Variants in TAOK3 observed in about 807,000 individuals in gnomAD.
TAOK3 encodes the protein serine/threonine-protein kinase TAO3.
TAOK3 carries 40 observed loss-of-function variants against 120.4 expected under a neutral mutation model. The ratio of observed to expected loss-of-function variants is 0.33; its 90% CI spans 0.26 to 0.43. The LOEUF (loss-of-function observed/expected upper bound fraction) is 0.43, where lower values mean the gene tolerates loss of function less well. TAOK3 is among the 20% of genes least tolerant of loss of function. The probability of loss-of-function intolerance (pLI) is 1.00; values close to 1 mark genes in which losing one functional copy is unlikely to be tolerated. For missense variants in TAOK3, 821 were observed against 1,112.1 expected (o/e 0.74, Z 3.72); for synonymous variants, 355 against 387.5 (o/e 0.92, Z 0.99).
At chr12:118,154,959 T>C (rs1049152443) in intron 19 of TAOK3, among the ~76,000 whole-genome samples, 1 of 151,968 alleles carries the variant, frequency 6.6e-6, no homozygotes, top group Non-Finnish European at 1.5e-5. Context: ...CTACAGCCCA[T>C]GGGCCAAATC....
chr12:118,315,706 C>T (rs2140897297), intron 1 of TAOK3, among the ~76,000 whole-genome samples: 1 of 151,586 alleles, frequency 6.6e-6, no homozygotes, highest in South Asian at 2.1e-4. Context: ...AATAATCCTC[C>T]TCCCCCCAAA....
chr12:118,359,524 C>T (rs1253517670), intron 1 of TAOK3: 1 of 152,212 alleles, frequency 6.6e-6, no homozygotes, highest in Non-Finnish European at 1.5e-5. Context: ...AACTCACCAT[C>T]TCTTGATAAT....
At chr12:118,194,001 A>T (rs2037571250) in intron 13 of TAOK3, among the ~76,000 whole-genome samples, 1 of 152,218 alleles carries the variant, frequency 6.6e-6, no homozygotes, top group Non-Finnish European at 1.5e-5. Context: ...ACAAGAATAT[A>T]GGTCTGAGGA....
intron 9 of TAOK3, among the ~76,000 whole-genome samples, chr12:118,215,639 T>A (rs2139529470): frequency 6.6e-6 from 1 of 152,058 alleles, no homozygotes; most frequent in African/African-American, 2.4e-5. Flanking sequence ...GAGAGAGAAA[T>A]GGAAAGGAGG....
intron 9 of TAOK3, among the ~76,000 whole-genome samples, chr12:118,225,547 G>A (rs1303122223): frequency 6.6e-6 from 1 of 152,032 alleles, no homozygotes; most frequent in Non-Finnish European, 1.5e-5. Context: ...GAAATTAAAT[G>A]TTCTTGGTAA....
At chr12:118,328,345 C>A (rs551816751) in intron 1 of TAOK3, among the ~76,000 whole-genome samples, 66 of 152,130 alleles carry the variant, frequency 4.3e-4, no homozygotes, top group Admixed American at 2.6e-4. Flanking sequence ...TGAGCCACTG[C>A]GCCTGGCCTA....
rs1022590159 is a variant in TAOK3 at position 118,372,123 on chromosome 12, C to G, written c.-194+525G>C. 9.2e-5 allele frequency among the ~76,000 whole-genome samples: 14 copies of G among 151,862 alleles called. No individual in the cohort carries two copies. Among genetic ancestry groups the G allele is most frequent in the African/African-American group, 3.4e-4 (14 of 41,342 alleles). On this transcript the variant is annotated intron_variant, in intron 1 of 20. Coordinates refer to ENST00000392533, the MANE Select transcript of TAOK3 (RefSeq NM_016281.4). This position sits in a 1 kb window ranked among gnomAD's most constrained non-coding sequence, Gnocchi z 4.6. ...CCCTGACCGGTCCCCTCTCTTTACT[C>G]TGTCCTGGATTCTCTCTGGGTCCCC...
At chr12:118,262,339 C>T (rs964606484) in intron 2 of TAOK3, among the ~76,000 whole-genome samples, 2 of 151,468 alleles carry the variant, frequency 1.3e-5, no homozygotes, top group Non-Finnish European at 2.9e-5. Flanking sequence ...AATAATTAGC[C>T]GGGCGTGGTG....
chr12:118,348,952 G>A (rs534729799), intron 1 of TAOK3, among the ~76,000 whole-genome samples: 3 of 150,056 alleles, frequency 2.0e-5, no homozygotes, highest in South Asian at 2.1e-4. Context: ...GCAGTGGCGC[G>A]TTCTTGGCCC....
chr12:118,318,443 G>T (rs569926055), intron 1 of TAOK3, among the ~76,000 whole-genome samples: 2 of 152,166 alleles, frequency 1.3e-5, no homozygotes, highest in South Asian at 4.1e-4. Context: ...GGTGTGAGCC[G>T]CTGCGCCTGG....
At chr12:118,258,348 A>G (rs1483032144) in intron 2 of TAOK3, among the ~76,000 whole-genome samples, 1 of 152,196 alleles carries the variant, frequency 6.6e-6, no homozygotes, top group Non-Finnish European at 1.5e-5. Flanking sequence ...TAAAGTTACT[A>G]CATCAATACT....
At chr12:118,246,380 G>A (rs1220396896) in intron 3 of TAOK3, 1 of 1,588,712 alleles carries the variant, frequency 6.3e-7, no homozygotes, top group Non-Finnish European at 8.6e-7. Flanking sequence ...TCTTCCTGGG[G>A]GCCTCTCTCA....
intron 1 of TAOK3, among the ~76,000 whole-genome samples, chr12:118,363,505 A>C (rs990682301): frequency 1.3e-5 from 2 of 152,198 alleles, no homozygotes; most frequent in African/African-American, 4.8e-5. Flanking sequence ...AATATTAGAG[A>C]GTATTATGTA....
intron 1 of TAOK3, among the ~76,000 whole-genome samples, chr12:118,313,987 C>T (rs2043355984): frequency 6.6e-6 from 1 of 152,136 alleles, no homozygotes; most frequent in Non-Finnish European, 1.5e-5. Flanking sequence ...ATGCAAGAGC[C>T]CACTAGTGAA....
At chr12:118,310,474 G>A (rs2043220283) in intron 1 of TAOK3, among the ~76,000 whole-genome samples, 1 of 152,104 alleles carries the variant, frequency 6.6e-6, no homozygotes. Context: ...ATTTAAATTT[G>A]TATCTTGGCA....
At chr12:118,267,978 T>C (rs2041532949) in intron 1 of TAOK3, among the ~76,000 whole-genome samples, 3 of 152,102 alleles carry the variant, frequency 2.0e-5, no homozygotes, top group Non-Finnish European at 4.4e-5. Flanking sequence ...CATGGACGTA[T>C]TTATTTCTGC....
intron 1 of TAOK3, among the ~76,000 whole-genome samples, chr12:118,271,090 T>C (rs967731805): frequency 1.3e-5 from 2 of 152,318 alleles, no homozygotes; most frequent in East Asian, 1.9e-4. Flanking sequence ...GGTAATTGTC[T>C]AAGTCCACAT....
At chr12:118,295,616 G>A (rs1464411833) in intron 1 of TAOK3, among the ~76,000 whole-genome samples, 1 of 152,096 alleles carries the variant, frequency 6.6e-6, no homozygotes, top group Admixed American at 6.6e-5. Context: ...TTGGCCTTAT[G>A]CTCCTTAGCA....
chr12:118,290,814 C>T (rs570340127), intron 1 of TAOK3, among the ~76,000 whole-genome samples: 4 of 151,952 alleles, frequency 2.6e-5, no homozygotes, highest in Non-Finnish European at 4.4e-5. Flanking sequence ...CTACTTAACA[C>T]GGTGGCTGAT....
Sources: gnomAD v4.1 joint callset for allele counts (sites outside exome capture counted in the v4.1 genomes callset) on GRCh38, gnomAD v4.1.1 for gene constraint, Gnocchi (gnomAD v3.1) non-coding constraint, MANE v1.5 for transcripts, NCBI Gene and HGNC (gene_info 2026-07-23, HGNC 2026-07-21) for gene names.